Variants in CSGALNACT1 observed in about 807,000 individuals in gnomAD.
CSGALNACT1 encodes chondroitin sulfate N-acetylgalactosaminyltransferase 1.
CSGALNACT1 carries 52 observed loss-of-function variants against 51.0 expected under a neutral mutation model. The ratio of observed to expected loss-of-function variants is 1.02; its 90% CI spans 0.82 to 1.29. The LOEUF is 1.29. CSGALNACT1 is among the 50% of genes most tolerant of loss of function. CSGALNACT1 has a pLI of 0.00. For missense variants in CSGALNACT1, 935 were observed against 679.2 expected (o/e 1.38, Z -4.19); for synonymous variants, 341 against 254.4 (o/e 1.34, Z -3.24).
At chr8:19,698,629 A>G (rs61196448) in intron 1 of CSGALNACT1, among the ~76,000 whole-genome samples, 8,368 of 152,250 alleles carry the variant, frequency 0.055, 467 homozygotes, top group African/African-American at 0.14. Flanking sequence ...TGTACCTCAC[A>G]CTTAGTAGGA....
chr8:19,690,378 G>A (rs957236415), intron 1 of CSGALNACT1, among the ~76,000 whole-genome samples: 1 of 151,906 alleles, frequency 6.6e-6, no homozygotes, highest in Non-Finnish European at 1.5e-5. Context: ...CTGCTCCCAG[G>A]ACTTAGATAT....
At chr8:19,482,703 C>A (rs1161967451) in intron 4 of CSGALNACT1, among the ~76,000 whole-genome samples, 1 of 152,184 alleles carries the variant, frequency 6.6e-6, no homozygotes, top group Non-Finnish European at 1.5e-5. Flanking sequence ...GTTCCGATCA[C>A]AGATCGCTTT....
At chr8:19,466,040 C>A (rs1345787117) in intron 4 of CSGALNACT1, among the ~76,000 whole-genome samples, 15 of 152,174 alleles carry the variant, frequency 9.9e-5, no homozygotes, top group Non-Finnish European at 1.9e-4. Context: ...TTCCTTTAAC[C>A]TTACCATAGA....
At position 19,421,459 on chromosome 8, in the gene CSGALNACT1, C is replaced by T. The variant is rs1016029368; in HGVS notation, c.954-941G>A. Among the ~76,000 whole-genome samples the T allele has an allele frequency of 7.2e-5, 11 of 152,172 alleles. No individual in the cohort carries two copies. The South Asian group carries it at 2.1e-3, about 29-fold the overall frequency. On this transcript the variant is annotated intron_variant, in intron 6 of 9. Coordinates refer to ENST00000454498, the Ensembl canonical transcript of CSGALNACT1. ...CTTCTACCAGATAATACTAGAGAACCACCTTCAGTCTTCTTTCAGCCTAGC... is the reference window on the plus strand; with the variant it reads ...CTTCTACCAGATAATACTAGAGAACTACCTTCAGTCTTCTTTCAGCCTAGC...
At chr8:19,486,376 A>G (rs922980167) in intron 4 of CSGALNACT1, among the ~76,000 whole-genome samples, 1 of 152,098 alleles carries the variant, frequency 6.6e-6, no homozygotes, top group African/African-American at 2.4e-5. Context: ...AACCTCCAGA[A>G]AAACCCTTCT....
At chr8:19,683,750 G>A (rs914092309), upstream of CSGALNACT1, among the ~76,000 whole-genome samples, 1 of 151,946 alleles carries the variant, frequency 6.6e-6, no homozygotes, top group Non-Finnish European at 1.5e-5. Context: ...CTACAGCTTG[G>A]CAAAAATGAT....
chr8:19,473,252 T>C (rs547299710), intron 4 of CSGALNACT1, among the ~76,000 whole-genome samples: 1 of 152,178 alleles, frequency 6.6e-6, no homozygotes, highest in African/African-American at 2.4e-5. Flanking sequence ...TGCTAGAGGA[T>C]TTTTTTGATA....
At chr8:19,499,136 C>A (rs964480849) in intron 4 of CSGALNACT1, among the ~76,000 whole-genome samples, 1 of 152,172 alleles carries the variant, frequency 6.6e-6, no homozygotes, top group South Asian at 2.1e-4. Context: ...AACAAACAAA[C>A]AGAACAAAAT....
intron 1 of CSGALNACT1, among the ~76,000 whole-genome samples, chr8:19,653,216 A>G (rs1157694704): frequency 2.0e-5 from 3 of 151,952 alleles, no homozygotes; most frequent in East Asian, 1.9e-4. Context: ...CACATTCCCA[A>G]TGGATGGTCA....
chr8:19,677,293 C>T (rs11204062), intron 1 of CSGALNACT1, among the ~76,000 whole-genome samples: 60,065 of 151,800 alleles, frequency 0.4, 12,431 homozygotes, highest in Middle Eastern at 0.5. Context: ...ATATCTTTTA[C>T]AGAGACAGCA....
intron 4 of CSGALNACT1, among the ~76,000 whole-genome samples, chr8:19,477,479 G>A (rs1421189598): frequency 6.6e-6 from 1 of 152,122 alleles, no homozygotes; most frequent in Non-Finnish European, 1.5e-5. Context: ...AAAGACCCCT[G>A]ATTAAGTACC....
chr8:19,592,796 G>C (rs1479810953), intron 2 of CSGALNACT1, among the ~76,000 whole-genome samples: 1 of 152,054 alleles, frequency 6.6e-6, no homozygotes, highest in Non-Finnish European at 1.5e-5. Flanking sequence ...TAAAAAAAGG[G>C]AAATGATGTA....
chr8:19,543,416 G>A (rs571270023), intron 3 of CSGALNACT1, among the ~76,000 whole-genome samples: 6 of 152,326 alleles, frequency 3.9e-5, no homozygotes, highest in African/African-American at 1.2e-4. Flanking sequence ...TTCTCTATAC[G>A]TATGTGAAGA....
chr8:19,589,090 T>C (rs1367171441), intron 3 of CSGALNACT1, among the ~76,000 whole-genome samples: 1 of 152,208 alleles, frequency 6.6e-6, no homozygotes, highest in East Asian at 1.9e-4. Context: ...TTTGTGGTCC[T>C]TTCCCATATG....
chr8:19,478,395 C>G (rs1416741987), intron 4 of CSGALNACT1, among the ~76,000 whole-genome samples: 1 of 116,936 alleles, frequency 8.6e-6, no homozygotes, highest in East Asian at 2.5e-4. Flanking sequence ...GCCTGGGCGA[C>G]AGAGCGAGAC....
intron 3 of CSGALNACT1, among the ~76,000 whole-genome samples, chr8:19,529,949 A>C (rs953338902): frequency 2.0e-5 from 3 of 152,180 alleles, no homozygotes; most frequent in Non-Finnish European, 4.4e-5. Context: ...AGCCCAACAC[A>C]GTGGCTCACG....
At chr8:19,583,494 A>G (rs985904250) in intron 3 of CSGALNACT1, among the ~76,000 whole-genome samples, 5 of 152,202 alleles carry the variant, frequency 3.3e-5, no homozygotes, top group African/African-American at 1.2e-4. Context: ...ATAGTACCAG[A>G]TCAGCTTCTG....
intron 4 of CSGALNACT1, among the ~76,000 whole-genome samples, chr8:19,458,994 T>C (rs935710797): frequency 1.3e-5 from 2 of 152,192 alleles, no homozygotes; most frequent in African/African-American, 4.8e-5. Flanking sequence ...TTTTTTTCTT[T>C]TCTTCTAGTA....
At chr8:19,517,679 G>A (rs948922566) in intron 3 of CSGALNACT1, among the ~76,000 whole-genome samples, 3 of 152,142 alleles carry the variant, frequency 2.0e-5, no homozygotes, top group African/African-American at 7.2e-5. Flanking sequence ...CAGCACTCAA[G>A]AGAGAATGAG....
Sources: allele counts gnomAD v4.1 joint callset (sites outside exome capture counted in the v4.1 genomes callset), GRCh38; gene constraint gnomAD v4.1.1; transcripts MANE v1.5; gene names NCBI Gene and HGNC (gene_info 2026-07-23, HGNC 2026-07-21).